The following NEMP2 variants were observed in gnomAD, a reference collection of about 807,000 sequenced individuals.
NEMP2 encodes nuclear envelope integral membrane protein 2.
A neutral mutation model predicts 54.2 loss-of-function variants in NEMP2; 53 were observed. That is an observed-to-expected ratio of 0.98 (90% confidence interval 0.78 to 1.23). The LOEUF (loss-of-function observed/expected upper bound fraction) is 1.23, where lower values mean the gene tolerates loss of function less well. Among genes scored for constraint, NEMP2 ranks in the 50% most tolerant of loss-of-function variants. The pLI is 0.00. For missense variants in NEMP2, 455 were observed against 511.3 expected (o/e 0.89, Z 1.06); for synonymous variants, 197 against 190.3 (o/e 1.04, Z -0.29).
upstream of NEMP2, among the ~76,000 whole-genome samples, chr2:190,537,268 G>A (rs553886756): frequency 6.6e-6 from 1 of 152,306 alleles, no homozygotes; most frequent in South Asian, 2.1e-4. Flanking sequence ...GAAAGAACCG[G>A]TGAATTTGAA....
At chr2:190,483,775 C>T in the NEMP2 span, among the ~76,000 whole-genome samples, 53 of 134,532 alleles carry the variant, frequency 3.9e-4, no homozygotes, top group African/African-American at 1.2e-3. Context: ...GCAGAGGATG[C>T]GGTGAGCCGA....
chr2:190,560,209 G>A, the NEMP2 span, among the ~76,000 whole-genome samples: 3 of 152,226 alleles, frequency 2.0e-5, no homozygotes, highest in Non-Finnish European at 4.4e-5. The surrounding 1 kb of genome is among the most constrained non-coding windows in gnomAD (Gnocchi z 5.4). Context: ...GAGCCCGTGG[G>A]TGGGAGTCAA....
chr2:190,491,651 T>C, the NEMP2 span, among the ~76,000 whole-genome samples: 2 of 152,180 alleles, frequency 1.3e-5, no homozygotes, highest in Non-Finnish European at 2.9e-5. This position sits in a 1 kb window ranked among gnomAD's most constrained non-coding sequence, Gnocchi z 4.2. Context: ...GACAAAAGAA[T>C]TGAACAGCAG....
chr2:190,569,164 T>C, the NEMP2 span, among the ~76,000 whole-genome samples: 2 of 152,218 alleles, frequency 1.3e-5, no homozygotes, highest in Non-Finnish European at 2.9e-5. Context: ...AGGAGCTATT[T>C]GGCTTTTAAA....
chr2:190,544,932 A>C, the NEMP2 span, among the ~76,000 whole-genome samples: 3 of 17,032 alleles, frequency 1.8e-4, no homozygotes, highest in Non-Finnish European at 3.6e-4. Context: ...TACCCCCGCA[A>C]AAAAAAAAAA....
At chr2:190,580,648 A>G in the NEMP2 span, among the ~76,000 whole-genome samples, 35 of 152,304 alleles carry the variant, frequency 2.3e-4, no homozygotes, top group Admixed American at 1.6e-3. This position sits in a 1 kb window ranked among gnomAD's most constrained non-coding sequence, Gnocchi z 5.3. Flanking sequence ...CCAAATTTTC[A>G]AGACACTACA....
Position 190,525,218 on chromosome 2 carries a change from G to T in NEMP2, c.213+45C>A. Reference sequence around the variant, plus strand: ...GGTACATTTCCTGTCCCCAGGACATGGTAATTCTCTGTCCCTAAGACATGA... The same window carrying T: ...GGTACATTTCCTGTCCCCAGGACATTGTAATTCTCTGTCCCTAAGACATGA... On this transcript the variant is annotated intron_variant, in intron 2 of 8. Transcript: ENST00000409150. This position sits in a 1 kb window ranked among gnomAD's most constrained non-coding sequence, Gnocchi z 5.0. 1 of 1,051,682 alleles carries T rather than the reference G, an allele frequency of 9.5e-7. No homozygotes were observed. 65.1% of individuals were successfully genotyped at this position (1,051,682 alleles called of 1,614,324 possible).
At chr2:190,516,413 T>C in intron 5 of NEMP2, 29 bp from the exon 6 acceptor site, 3 of 1,498,450 alleles carry the variant, frequency 2.0e-6, no homozygotes, top group Non-Finnish European at 2.7e-6. Flanking sequence ...AAATGACACA[T>C]TTTTTGGTTC....
Position 190,521,259 on chromosome 2 carries a change from T to C in NEMP2, c.214-2076A>G, listed in dbSNP as rs370606578. Among the ~76,000 whole-genome samples the C allele has an allele frequency of 6.0e-4, 92 of 152,264 alleles. No individual in the cohort carries two copies. The South Asian group carries it at 0.014, about 23-fold the overall frequency. On this transcript the variant is annotated intron_variant, in intron 2 of 8. Coordinates refer to ENST00000409150, the MANE Select transcript of NEMP2 (RefSeq NM_001142645.2). The surrounding 1 kb of genome is among the most constrained non-coding windows in gnomAD (Gnocchi z 6.2). ...TTGATCCTTCCTACTTCACTGAAAA[T>C]GGAAGAAATCAGAAGTGAATGTCCA...
At chr2:190,517,894 T>C (rs1690616814) in intron 4 of NEMP2, among the ~76,000 whole-genome samples, 1 of 152,188 alleles carries the variant, frequency 6.6e-6, no homozygotes, top group Non-Finnish European at 1.5e-5. Flanking sequence ...CAGGCACTTT[T>C]CTAGGTTTTA....
At chr2:190,538,848 T>C (rs1202992080), upstream of NEMP2, among the ~76,000 whole-genome samples, 1 of 152,226 alleles carries the variant, frequency 6.6e-6, no homozygotes, top group Admixed American at 6.5e-5. The surrounding 1 kb of genome is among the most constrained non-coding windows in gnomAD (Gnocchi z 4.1). Context: ...GTTCCTGATA[T>C]ATTCTGGTTA....
At chr2:190,430,764 A>G in the NEMP2 span, among the ~76,000 whole-genome samples, 1 of 142,958 alleles carries the variant, frequency 7.0e-6, no homozygotes, top group Non-Finnish European at 1.5e-5. Context: ...GGGGCTCCTC[A>G]CTTCCCAGAA....
the NEMP2 span, among the ~76,000 whole-genome samples, chr2:190,612,152 CTTTTTTTTTTT>C: frequency 8.6e-6 from 1 of 115,800 alleles, no homozygotes; most frequent in Non-Finnish European, 1.7e-5. Flanking sequence ...AAACATCCCT[CTTTTTTTTTTT>C]TTTTTTTTTT....
the NEMP2 span, among the ~76,000 whole-genome samples, chr2:190,590,966 C>T: frequency 6.6e-6 from 1 of 152,160 alleles, no homozygotes; most frequent in Admixed American, 6.6e-5. This position sits in a 1 kb window ranked among gnomAD's most constrained non-coding sequence, Gnocchi z 5.1. Context: ...GTACAGCACA[C>T]AGCTGTACAG....
At chr2:190,534,332 A>T in intron 1 of NEMP2, 1 of 1,194,346 alleles carries the variant, frequency 8.4e-7, no homozygotes, top group Admixed American at 4.5e-5. Flanking sequence ...GTTGCTTCTA[A>T]TTCTAAAATT....
chr2:190,572,691 C>G, the NEMP2 span, among the ~76,000 whole-genome samples: 4 of 151,110 alleles, frequency 2.6e-5, no homozygotes, highest in African/African-American at 9.7e-5. Context: ...ACTACATGGT[C>G]TTCAGAATTA....
intron 1 of NEMP2, among the ~76,000 whole-genome samples, chr2:190,532,145 C>T (rs1408169898): frequency 6.6e-6 from 1 of 152,202 alleles, no homozygotes; most frequent in African/African-American, 2.4e-5. Flanking sequence ...CAAGTCTTAA[C>T]TTGTGAGAAG....
At chr2:190,581,835 T>C in the NEMP2 span, among the ~76,000 whole-genome samples, 1 of 152,174 alleles carries the variant, frequency 6.6e-6, no homozygotes, top group East Asian at 1.9e-4. Flanking sequence ...TCCCAAGAGA[T>C]GACTGTTAAA....
chr2:190,534,679 G>T lies in NEMP2; in HGVS notation c.-24C>A. 8.0e-7 allele frequency: 1 copy of T among 1,256,354 alleles called. No homozygotes were observed. The highest frequency in any genetic ancestry group is 3.0e-5 in the South Asian group (1 of 33,032). 77.8% of individuals were successfully genotyped at this position (1,256,354 alleles called of 1,614,324 possible). A position where few individuals can be genotyped will look rare whatever the true frequency, so the allele number is the denominator to read the frequency against. ...ATTTCGTTAGGGGTCAGCTCCGTGC[G>T]ACCCGAGCCCTAGGGGACCGGCTCC... On this transcript the variant is annotated 5_prime_UTR_variant, in exon 1 of 9. Transcript: ENST00000409150.
Sources: gnomAD v4.1 joint callset for allele counts (sites outside exome capture counted in the v4.1 genomes callset) on GRCh38, gnomAD v4.1.1 for gene constraint, Gnocchi (gnomAD v3.1) non-coding constraint, MANE v1.5 for transcripts, NCBI Gene and HGNC (gene_info 2026-07-23, HGNC 2026-07-21) for gene names.